Variants in SPMAP2L observed in about 807,000 individuals in gnomAD.
SPMAP2L encodes sperm microtubule associated protein 2-like.
chr4:56,535,507 C>T, the SPMAP2L span, among the ~76,000 whole-genome samples: 53 of 152,234 alleles, frequency 3.5e-4, no homozygotes, highest in Middle Eastern at 6.8e-3. Context: ...CTTGCTCAAT[C>T]GATCATGACC....
At chr4:56,597,317 A>T in the SPMAP2L span, among the ~76,000 whole-genome samples, 1 of 152,306 alleles carries the variant, frequency 6.6e-6, no homozygotes, top group East Asian at 1.9e-4. Flanking sequence ...TGCTGTGTTG[A>T]GCAATAACAG....
At chr4:56,569,958 G>C in the SPMAP2L span, among the ~76,000 whole-genome samples, 1 of 152,126 alleles carries the variant, frequency 6.6e-6, no homozygotes, top group African/African-American at 2.4e-5. Flanking sequence ...GATTTATGCT[G>C]TAATACTAAG....
At chr4:56,613,145 A>T in the SPMAP2L span, among the ~76,000 whole-genome samples, 67 of 152,182 alleles carry the variant, frequency 4.4e-4, no homozygotes, top group African/African-American at 1.6e-3. Context: ...GCCCATGGCC[A>T]CCCTTGGTAG....
the SPMAP2L span, among the ~76,000 whole-genome samples, chr4:56,623,751 A>G: frequency 6.6e-6 from 1 of 152,174 alleles, no homozygotes; most frequent in Admixed American, 6.5e-5. Context: ...CCATGTAAGA[A>G]GTGCCTTTCA....
At chr4:56,570,722 T>C in the SPMAP2L span, among the ~76,000 whole-genome samples, 1 of 137,582 alleles carries the variant, frequency 7.3e-6, no homozygotes, top group Non-Finnish European at 1.5e-5. Context: ...ACTGAAGTTA[T>C]ACTGTTTATG....
chr4:56,597,698 GTTTA>G, the SPMAP2L span, among the ~76,000 whole-genome samples: 1 of 152,070 alleles, frequency 6.6e-6, no homozygotes, highest in Non-Finnish European at 1.5e-5. Context: ...GATTGTTTGG[GTTTA>G]TTTTATTTTT....
chr4:56,531,773 G>C, the SPMAP2L span, among the ~76,000 whole-genome samples: 1 of 152,104 alleles, frequency 6.6e-6, no homozygotes, highest in Non-Finnish European at 1.5e-5. Flanking sequence ...GACCCCACTC[G>C]CTCATTTATG....
At chr4:56,592,241 T>A in the SPMAP2L span, among the ~76,000 whole-genome samples, 1 of 152,200 alleles carries the variant, frequency 6.6e-6, no homozygotes, top group East Asian at 1.9e-4. Context: ...AAACCATCCT[T>A]TTCCCAACAC....
the SPMAP2L span, among the ~76,000 whole-genome samples, chr4:56,609,769 A>G: frequency 1.3e-5 from 2 of 152,214 alleles, no homozygotes; most frequent in Admixed American, 6.5e-5. Context: ...CCATGTGAAG[A>G]TGCAGCAAGA....
chr4:56,596,736 CTGGGAAGAGTGGTCTG>C, the SPMAP2L span: 1 of 1,223,824 alleles, frequency 8.2e-7, no homozygotes, highest in Non-Finnish European at 1.1e-6. Flanking sequence ...AAAAGAGAAT[CTGGGAAGAGTGGTCTG>C]TGGCAGGAAG....
the SPMAP2L span, chr4:56,595,068 A>G: frequency 3.7e-6 from 6 of 1,610,906 alleles, no homozygotes; most frequent in Non-Finnish European, 3.4e-6. Flanking sequence ...GTGCGGCCCC[A>G]TGGGGCTCCA....
chr4:56,587,634 C>CA, the SPMAP2L span, among the ~76,000 whole-genome samples: 1 of 152,200 alleles, frequency 6.6e-6, no homozygotes, highest in Non-Finnish European at 1.5e-5. Flanking sequence ...CAGGTCACTG[C>CA]AAATGCTATT....
At chr4:56,534,938 C>G in the SPMAP2L span, among the ~76,000 whole-genome samples, 1 of 151,928 alleles carries the variant, frequency 6.6e-6, no homozygotes, top group East Asian at 1.9e-4. Flanking sequence ...TCAACAACAA[C>G]AACAAACAAC....
chr4:56,571,681 TA>T, the SPMAP2L span, among the ~76,000 whole-genome samples: 4 of 151,894 alleles, frequency 2.6e-5, no homozygotes, highest in East Asian at 5.8e-4. Context: ...CCCCCATCTC[TA>T]AAAAAAATTA....
chr4:56,607,995 G>GAAAAAAAAAAA, the SPMAP2L span, among the ~76,000 whole-genome samples: 1 of 72,300 alleles, frequency 1.4e-5, no homozygotes, highest in Non-Finnish European at 3.2e-5. Context: ...CCTGTCTCAA[G>GAAAAAAAAAAA]AAAAAAAAAA....
the SPMAP2L span, among the ~76,000 whole-genome samples, chr4:56,564,706 TTTTTA>T: frequency 2.0e-5 from 3 of 152,164 alleles, no homozygotes; most frequent in Non-Finnish European, 4.4e-5. Flanking sequence ...TTCTGCTTAC[TTTTTA>T]TTTTATTTGC....
chr4:56,559,554 A>G, the SPMAP2L span: 1 of 1,449,746 alleles, frequency 6.9e-7, no homozygotes, highest in Non-Finnish European at 9.0e-7. Context: ...TTACTTTATC[A>G]GGAGGTTTTT....
the SPMAP2L span, among the ~76,000 whole-genome samples, chr4:56,534,973 T>G: frequency 6.6e-5 from 10 of 151,758 alleles, no homozygotes; most frequent in Admixed American, 3.3e-4. Flanking sequence ...AACCATAATG[T>G]GCCCACCAAT....
At chr4:56,597,548 A>C in the SPMAP2L span, among the ~76,000 whole-genome samples, 1 of 152,206 alleles carries the variant, frequency 6.6e-6, no homozygotes, top group Non-Finnish European at 1.5e-5. Flanking sequence ...TAGGAAAGAA[A>C]ACCATTCTGG....
Sources: allele counts gnomAD v4.1 joint callset (sites outside exome capture counted in the v4.1 genomes callset), GRCh38; gene constraint gnomAD v4.1.1; transcripts MANE v1.5; gene names NCBI Gene and HGNC (gene_info 2026-07-23, HGNC 2026-07-21).